Variants in TMEM163 observed in about 807,000 individuals in gnomAD.
TMEM163 encodes the protein transmembrane protein 163.
Under a neutral mutation model 29.3 loss-of-function variants are expected in TMEM163, and 17 were observed. The observed-to-expected ratio is 0.58, with a 90% CI of 0.40 to 0.87. The LOEUF is 0.87. Among genes scored for constraint, TMEM163 ranks in the 40% least tolerant of loss-of-function variants. TMEM163 has a pLI of 0.00. For synonymous variants in TMEM163, 157 were observed against 160.6 expected (o/e 0.98, Z 0.17); for missense variants, 303 against 381.5 (o/e 0.79, Z 1.71).
chr2:134,608,940 C>T (rs1384742433), intron 2 of TMEM163, among the ~76,000 whole-genome samples: 4 of 70,574 alleles, frequency 5.7e-5, no homozygotes, highest in African/African-American at 2.3e-4. Flanking sequence ...AAAGGACAGA[C>T]CCCGAGAACT....
At chr2:134,606,934 G>C (rs574921227) in intron 2 of TMEM163, among the ~76,000 whole-genome samples, 10 of 147,778 alleles carry the variant, frequency 6.8e-5, no homozygotes, top group Non-Finnish European at 1.3e-4. Flanking sequence ...AACTGTGCTG[G>C]TGAAAAGGAG....
rs145743443 is a variant in TMEM163, at chr2:134,491,911, C to T, written c.555+10990G>A. 1.6e-4 allele frequency among the ~76,000 whole-genome samples: 25 copies of T among 152,282 alleles called. 2 individuals carry two copies. Among genetic ancestry groups the T allele is most frequent in the African/African-American group, 5.8e-4 (24 of 41,562 alleles). ...AGTCATTTCCTAGGTAACACTCGAA[C>T]TGACAAACAAATCCTACTGTAAGCA... On this transcript the variant is annotated intron_variant, in intron 5 of 7. Transcript: ENST00000281924.
In TMEM163 at chr2:134,456,046, C is replaced by T. The variant is rs1433868540; in HGVS notation, c.*670G>A. ...AGTTTCACATCTCTCAAAAATGGAC[C>T]CAGTTTTCACATGGATGTTCAGGTT... On this transcript the variant is annotated 3_prime_UTR_variant, in exon 8 of 8. Transcript: ENST00000281924. The T allele has an allele frequency of 6.6e-6, 1 of 152,420 alleles. No individual in the cohort carries two copies. The highest frequency in any genetic ancestry group is 1.9e-4 in the East Asian group (1 of 5,180). The allele number at this position is 152,420 out of a possible 1,614,324, so 9.4% of individuals were successfully genotyped here.
chr2:134,676,010 T>C (rs898732191), intron 2 of TMEM163, among the ~76,000 whole-genome samples: 6 of 151,906 alleles, frequency 3.9e-5, no homozygotes, highest in African/African-American at 1.5e-4. Context: ...TCAAGACAGT[T>C]CTCCTAAGCT....
intron 2 of TMEM163, among the ~76,000 whole-genome samples, chr2:134,603,294 A>C (rs1682275603): frequency 6.6e-6 from 1 of 152,232 alleles, no homozygotes; most frequent in African/African-American, 2.4e-5. Flanking sequence ...AAAAACCATA[A>C]ACATTATTTT....
At chr2:134,488,705 C>G (rs1039146943) in intron 5 of TMEM163, among the ~76,000 whole-genome samples, 1 of 152,156 alleles carries the variant, frequency 6.6e-6, no homozygotes, top group South Asian at 2.1e-4. Flanking sequence ...TTCTGTCCCT[C>G]TAGAGAACCC....
intron 2 of TMEM163, among the ~76,000 whole-genome samples, chr2:134,671,974 T>C (rs1377593641): frequency 6.6e-6 from 1 of 152,240 alleles, no homozygotes; most frequent in Non-Finnish European, 1.5e-5. Context: ...TGGTGAATGT[T>C]CATATATGTT....
At chr2:134,572,376 G>C (rs903034749) in intron 2 of TMEM163, among the ~76,000 whole-genome samples, 1 of 151,426 alleles carries the variant, frequency 6.6e-6, no homozygotes, top group East Asian at 1.9e-4. Context: ...TCCCTCACTT[G>C]AAAGTTTCAC....
At chr2:134,486,339 T>G (rs902083934) in intron 5 of TMEM163, among the ~76,000 whole-genome samples, 13 of 152,182 alleles carry the variant, frequency 8.5e-5, no homozygotes, top group African/African-American at 2.9e-4. Context: ...GATGAGAGCT[T>G]AGATCTAGAA....
At chr2:134,469,630 TTCTGCATTCTGTGGCTCCACGGGC>T (rs1183828330) in intron 5 of TMEM163, 1 of 53,496 alleles carries the variant, frequency 1.9e-5, no homozygotes, top group Non-Finnish European at 3.1e-5. Context: ...GCCAGGCACA[TTCTGCATTCTGTGGCTCCACGGGC>T]TCGCCCAGGG....
intron 4 of TMEM163, among the ~76,000 whole-genome samples, chr2:134,544,170 G>A (rs936170633): frequency 2.6e-5 from 4 of 152,090 alleles, no homozygotes; most frequent in African/African-American, 9.7e-5. Context: ...CATGGCCCTC[G>A]CAGCTGATGG....
chr2:134,648,036 C>T (rs908048829), intron 2 of TMEM163, among the ~76,000 whole-genome samples: 1 of 152,168 alleles, frequency 6.6e-6, no homozygotes, highest in African/African-American at 2.4e-5. Context: ...TTTGCACCTG[C>T]AACTGAATTC....
chr2:134,708,441 A>AC (rs1441085754), intron 2 of TMEM163, among the ~76,000 whole-genome samples: 1 of 152,176 alleles, frequency 6.6e-6, no homozygotes, highest in Non-Finnish European at 1.5e-5. Context: ...TTTAAGGGTT[A>AC]AGAGTTTACA....
intron 2 of TMEM163, among the ~76,000 whole-genome samples, chr2:134,639,591 G>C (rs568116981): frequency 6.6e-6 from 1 of 152,314 alleles, no homozygotes; most frequent in South Asian, 2.1e-4. Flanking sequence ...GACACAGGCT[G>C]TCGTCTAAAT....
At chr2:134,634,192 C>G (rs1189856262) in intron 2 of TMEM163, among the ~76,000 whole-genome samples, 1 of 151,642 alleles carries the variant, frequency 6.6e-6, no homozygotes, top group East Asian at 1.9e-4. Context: ...AGCCTGTGTG[C>G]CTCAAAGCTA....
intron 2 of TMEM163, among the ~76,000 whole-genome samples, chr2:134,678,259 C>A (rs1684156792): frequency 6.6e-6 from 1 of 152,170 alleles, no homozygotes. Context: ...CCGAGGGGTG[C>A]GAGCGCCAGG....
At chr2:134,655,580 G>A (rs1467295643) in intron 2 of TMEM163, among the ~76,000 whole-genome samples, 14 of 141,294 alleles carry the variant, frequency 9.9e-5, no homozygotes, top group South Asian at 2.3e-4. Context: ...GCTTTGTTCC[G>A]TTGCTGGTGA....
At chr2:134,568,996 G>A (rs960345306) in intron 2 of TMEM163, among the ~76,000 whole-genome samples, 1 of 152,184 alleles carries the variant, frequency 6.6e-6, no homozygotes, top group Admixed American at 6.5e-5. Flanking sequence ...CCACAGTGAC[G>A]CTGGTTACCA....
At chr2:134,644,486 G>A (rs1259730835) in intron 2 of TMEM163, among the ~76,000 whole-genome samples, 3 of 152,054 alleles carry the variant, frequency 2.0e-5, no homozygotes, top group African/African-American at 7.2e-5. Context: ...ATACTAATGC[G>A]ATTCAATTTA....
Sources: gnomAD v4.1 joint callset for allele counts (sites outside exome capture counted in the v4.1 genomes callset) on GRCh38, gnomAD v4.1.1 for gene constraint, MANE v1.5 for transcripts, NCBI Gene and HGNC (gene_info 2026-07-23, HGNC 2026-07-21) for gene names.